Variants in COG5 observed in about 807,000 individuals in gnomAD.
COG5 encodes the protein component of oligomeric golgi complex 5, also known as conserved oligomeric Golgi complex subunit 5.
In COG5, 86 loss-of-function variants were observed where a neutral mutation model predicts 110.4. The ratio of observed to expected loss-of-function variants is 0.78; its 90% CI spans 0.65 to 0.93. The LOEUF (loss-of-function observed/expected upper bound fraction) is 0.93, where lower values mean the gene tolerates loss of function less well. COG5 is among the 40% of genes least tolerant of loss of function. COG5 has a pLI of 0.00. For missense variants in COG5, 1,077 were observed against 987.0 expected, an observed-to-expected ratio of 1.09 and a Z score of -1.22; for synonymous variants, 360 against 334.6, an observed-to-expected ratio of 1.08 and a Z score of -0.83.
intron 2 of COG5, among the ~76,000 whole-genome samples, chr7:107,556,210 C>G (rs989654275): frequency 2.0e-5 from 3 of 152,292 alleles, no homozygotes; most frequent in African/African-American, 7.2e-5. Flanking sequence ...TGTATTGCAT[C>G]TGTGGTAGTT....
chr7:107,270,228 G>C (rs1050924119), intron 14 of COG5, among the ~76,000 whole-genome samples: 1 of 150,416 alleles, frequency 6.6e-6, no homozygotes, highest in East Asian at 1.9e-4. Flanking sequence ...TTCTCTCTCC[G>C]GTTCTTAGCA....
At chr7:107,392,847 T>C (rs1742687972) in intron 7 of COG5, among the ~76,000 whole-genome samples, 1 of 152,204 alleles carries the variant, frequency 6.6e-6, no homozygotes, top group African/African-American at 2.4e-5. Flanking sequence ...CCATTACTTA[T>C]GTTATTTTTC....
At chr7:107,465,211 A>C (rs79434636) in intron 6 of COG5, among the ~76,000 whole-genome samples, 22,565 of 152,198 alleles carry the variant, frequency 0.15, 2,094 homozygotes, top group Non-Finnish European at 0.2. Flanking sequence ...TTGTCTATAT[A>C]GAAAATACCA....
At chr7:107,224,960 A>G (rs906265820) in intron 19 of COG5, among the ~76,000 whole-genome samples, 1 of 152,262 alleles carries the variant, frequency 6.6e-6, no homozygotes, top group African/African-American at 2.4e-5. Flanking sequence ...TAGTCCACTA[A>G]TATCACCATC....
chr7:107,530,542 G>A (rs1010776621), intron 5 of COG5, among the ~76,000 whole-genome samples: 10 of 135,228 alleles, frequency 7.4e-5, no homozygotes, highest in Admixed American at 3.4e-4. Context: ...CGGAGGTTGC[G>A]ATGAGCCGAG....
At chr7:107,353,109 T>A (rs1812307797) in intron 10 of COG5, among the ~76,000 whole-genome samples, 1 of 152,140 alleles carries the variant, frequency 6.6e-6, no homozygotes, top group Non-Finnish European at 1.5e-5. Flanking sequence ...AAATACTGCA[T>A]CCATTCATAT....
chr7:107,252,991 A>G (rs560736991), intron 16 of COG5: 1 of 152,192 alleles, frequency 6.6e-6, no homozygotes, highest in Non-Finnish European at 1.5e-5. Flanking sequence ...TTACAATAGT[A>G]AAATACTGAA....
chr7:107,346,763 T>G (rs1437297740), intron 10 of COG5, among the ~76,000 whole-genome samples: 1 of 152,070 alleles, frequency 6.6e-6, no homozygotes, highest in Non-Finnish European at 1.5e-5. Flanking sequence ...GCAGGTTTGT[T>G]ACATATGTAT....
At chr7:107,371,748 G>A (rs974556468) in intron 8 of COG5, among the ~76,000 whole-genome samples, 1 of 152,176 alleles carries the variant, frequency 6.6e-6, no homozygotes, top group African/African-American at 2.4e-5. Context: ...TATGTGAAGG[G>A]AAAGAGATGC....
chr7:107,339,460 G>A (rs1366945233), intron 10 of COG5, among the ~76,000 whole-genome samples: 1 of 152,010 alleles, frequency 6.6e-6, no homozygotes, highest in Admixed American at 6.6e-5. Context: ...GCATTCCATA[G>A]ATCATGGAGG....
intron 8 of COG5, among the ~76,000 whole-genome samples, chr7:107,365,160 G>C (rs1458325499): frequency 6.6e-6 from 1 of 151,978 alleles, no homozygotes; most frequent in East Asian, 1.9e-4. Context: ...TTACCAGTTA[G>C]CTTTAATAGA....
At chr7:107,336,509 T>C (rs954006885) in intron 10 of COG5, among the ~76,000 whole-genome samples, 2 of 152,196 alleles carry the variant, frequency 1.3e-5, no homozygotes, top group Non-Finnish European at 2.9e-5. Flanking sequence ...CAATAATCTA[T>C]TGTACATTTC....
At chr7:107,461,527 T>C (rs1414250438) in intron 6 of COG5, among the ~76,000 whole-genome samples, 1 of 152,180 alleles carries the variant, frequency 6.6e-6, no homozygotes, top group Non-Finnish European at 1.5e-5. Flanking sequence ...AGCAGTTATG[T>C]CTGCTCTCAC....
intron 6 of COG5, among the ~76,000 whole-genome samples, chr7:107,490,988 CAA>C (rs1797942160): frequency 2.0e-5 from 3 of 152,070 alleles, no homozygotes; most frequent in African/African-American, 7.2e-5. Flanking sequence ...AAGATTTATT[CAA>C]AGTCATTTAC....
rs372765358 is a variant in COG5 at position 107,331,295 on chromosome 7, A to G, written c.1027-6774T>C. On this transcript the variant is annotated intron_variant, in intron 10 of 21. Transcript: ENST00000297135. ...ATCCTGGCTACCATTATGAAACACC[A>G]TCTCTACTAAAAATACAAAAAAATT... 3.3e-5 allele frequency among the ~76,000 whole-genome samples: 5 copies of G among 152,098 alleles called. No homozygotes were observed. The East Asian group carries it at 9.7e-4, about 29-fold the overall frequency.
intron 5 of COG5, among the ~76,000 whole-genome samples, chr7:107,529,628 C>T (rs147456351): frequency 3.4e-4 from 52 of 152,338 alleles, no homozygotes; most frequent in African/African-American, 1.3e-3. Context: ...AGGGAAGAAT[C>T]TTGGGAAAGG....
At position 107,220,082 on chromosome 7, in the gene COG5, C is replaced by T. The variant is rs78106240; in HGVS notation, c.2169-8857G>A. Reference sequence around the variant, plus strand: ...AAGTGGCAAAGCAAGGATTCAAACCCAGACAGCCTGGCTCTTAATTCTGCA... The same window carrying T: ...AAGTGGCAAAGCAAGGATTCAAACCTAGACAGCCTGGCTCTTAATTCTGCA... On this transcript the variant is annotated intron_variant, in intron 19 of 21. Coordinates refer to ENST00000297135, the MANE Select transcript of COG5 (RefSeq NM_006348.5). Among the ~76,000 whole-genome samples the T allele has an allele frequency of 4.6e-3, 698 of 152,302 alleles. 6 individuals carry two copies. Among genetic ancestry groups the T allele is most frequent in the African/African-American group, 0.016 (683 of 41,578 alleles).
At chr7:107,462,624 A>AC (rs1159914755) in intron 6 of COG5, among the ~76,000 whole-genome samples, 4 of 151,868 alleles carry the variant, frequency 2.6e-5, no homozygotes, top group African/African-American at 9.7e-5. Context: ...AAAAAAAAAA[A>AC]AAAAAACTTT....
intron 19 of COG5, among the ~76,000 whole-genome samples, chr7:107,230,150 C>G (rs538518492): frequency 6.6e-6 from 1 of 152,220 alleles, no homozygotes; most frequent in Non-Finnish European, 1.5e-5. Flanking sequence ...CGTGCTCAGC[C>G]ATGAACTTGA....
Sources: gnomAD v4.1 joint callset for allele counts (sites outside exome capture counted in the v4.1 genomes callset) on GRCh38, gnomAD v4.1.1 for gene constraint, MANE v1.5 for transcripts, NCBI Gene and HGNC (gene_info 2026-07-23, HGNC 2026-07-21) for gene names.